CD96: variants seen among roughly 807,000 people sequenced by gnomAD.
CD96 encodes the protein CD96 molecule.
In CD96, 70 loss-of-function variants were observed where a neutral mutation model predicts 71.3. That is an observed-to-expected ratio of 0.98 (90% CI 0.81 to 1.20). The LOEUF (loss-of-function observed/expected upper bound fraction) is 1.20, where lower values mean the gene tolerates loss of function less well. CD96 is among the 50% of genes most tolerant of loss of function. The pLI is 0.00. For synonymous variants in CD96, 248 were observed against 233.0 expected, an observed-to-expected ratio of 1.06 and a Z score of -0.59; for missense variants, 742 against 677.5, an observed-to-expected ratio of 1.10 and a Z score of -1.06.
Position 111,647,038 on chromosome 3 carries a change from A to G in CD96, c.1478-505A>G, listed in dbSNP as rs115403609. On this transcript the variant is annotated intron_variant, in intron 12 of 13. Transcript: ENST00000352690. ...ATCGAGTACATATGGACACAAAGAC[A>G]AGAACAACAAACACTGAGGCCTACT... Among the ~76,000 whole-genome samples, 1,090 of 151,160 alleles carry G rather than the reference A, an allele frequency of 7.2e-3. 17 individuals carry two copies. The highest frequency in any genetic ancestry group is 0.025 in the African/African-American group (1,033 of 41,110).
intron 6 of CD96, 144 bp downstream of exon 6, chr3:111,598,354 C>T: frequency 3.0e-6 from 2 of 658,206 alleles, no homozygotes; most frequent in South Asian, 3.3e-5. Flanking sequence ...TACCAAATGT[C>T]ATTTTCTGAT....
At chr3:111,606,671 C>T (rs866330779) in intron 7 of CD96, 29 bp from the exon 8 acceptor site, 1 of 1,039,452 alleles carries the variant, frequency 9.6e-7, no homozygotes, top group African/African-American at 1.6e-5. Flanking sequence ...ATATTTTGTT[C>T]ATTATAAATC....
rs141377889 is a variant in CD96 at position 111,663,266 on chromosome 3, G to A, written c.*53-2261G>A. Among the ~76,000 whole-genome samples, 380 of 152,244 alleles carry A rather than the reference G, an allele frequency of 2.5e-3. 2 individuals are homozygous for A. The highest frequency in any genetic ancestry group is 8.2e-3 in the African/African-American group (342 of 41,548). The stretch of plus-strand genomic sequence containing the variant: ...CAGCAAGGGGGAAATCTGCCCCCAC[G>A]ATTCAAGCACCTCCCACCAGATCTC... On this transcript the variant is annotated intron_variant and NMD_transcript_variant, in intron 14 of 14. Transcript: ENST00000494798.
intron 2 of CD96, among the ~76,000 whole-genome samples, chr3:111,555,472 A>G (rs1206326643): frequency 6.6e-6 from 1 of 152,294 alleles, no homozygotes; most frequent in East Asian, 1.9e-4. Context: ...ATTTCAATGG[A>G]TATAGAATTC....
At chr3:111,576,117 A>G (rs1247742066) in intron 3 of CD96, among the ~76,000 whole-genome samples, 1 of 152,236 alleles carries the variant, frequency 6.6e-6, no homozygotes, top group African/African-American at 2.4e-5. Flanking sequence ...ATGTTACCTC[A>G]TTAAATCTAT....
At chr3:111,583,965 C>T (rs1356131943) in intron 4 of CD96, among the ~76,000 whole-genome samples, 1 of 152,206 alleles carries the variant, frequency 6.6e-6, no homozygotes, top group Non-Finnish European at 1.5e-5. Flanking sequence ...TGAATTTCTC[C>T]CTAGAAAATG....
In CD96 at chr3:111,570,619, C is replaced by T. The variant is rs1015929027; in HGVS notation, c.543+2972C>T. On this transcript the variant is annotated intron_variant, in intron 3 of 13. Coordinates refer to ENST00000352690, the MANE Select transcript of CD96 (RefSeq NM_005816.5). ...GGATCAACAGGTGAGATGTGAGACA[C>T]CAGGCGCATGGCAGCTCACACGTAC... is the stretch of plus-strand genomic sequence containing the variant. The T allele has an allele frequency of 4.2e-5, 66 of 1,584,860 alleles. No homozygotes were observed. The South Asian group carries it at 6.4e-4, about 15-fold the overall frequency.
At chr3:111,607,964 A>G (rs563343325) in intron 8 of CD96, among the ~76,000 whole-genome samples, 3 of 152,324 alleles carry the variant, frequency 2.0e-5, no homozygotes, top group Non-Finnish European at 4.4e-5. Flanking sequence ...CCTGTGTATT[A>G]GTTATCCATT....
At chr3:111,639,963 C>A (rs1939516440) in intron 12 of CD96, among the ~76,000 whole-genome samples, 1 of 152,138 alleles carries the variant, frequency 6.6e-6, no homozygotes, top group South Asian at 2.1e-4. Flanking sequence ...CCCAGTGGGA[C>A]AAAATAATCT....
chr3:111,606,129 G>A lies in CD96; in HGVS notation c.1088-571G>A, dbSNP rs79249783. Among the ~76,000 whole-genome samples, 173 of 151,876 alleles carry A rather than the reference G, an allele frequency of 1.1e-3. 7 individuals are homozygous for A. The East Asian group carries it at 0.032, about 28-fold the overall frequency. The stretch of plus-strand genomic sequence containing the variant: ...CTCCCCCCAACACAGACACACGCAC[G>A]CACACACACAAAAGAAAAAGTTGTA... On this transcript the variant is annotated intron_variant, in intron 7 of 13. Transcript: ENST00000352690.
chr3:111,546,293 G>A (rs1315192558), intron 2 of CD96, among the ~76,000 whole-genome samples: 1 of 152,192 alleles, frequency 6.6e-6, no homozygotes, highest in African/African-American at 2.4e-5. Flanking sequence ...GTGATGGAAG[G>A]TAAAGGAAGG....
chr3:111,593,555 T>G (rs1378661028), intron 5 of CD96: 4 of 1,515,130 alleles, frequency 2.6e-6, no homozygotes, highest in Non-Finnish European at 3.5e-6. Flanking sequence ...TTAAACAAAA[T>G]GGAAGGGATG....
intron 3 of CD96, chr3:111,570,739 A>G (rs1055825013): frequency 5.5e-5 from 89 of 1,612,402 alleles, no homozygotes; most frequent in Non-Finnish European, 6.7e-5. Flanking sequence ...TTGTCCAGAT[A>G]CTCTTCCTCC....
Position 111,638,167 on chromosome 3 carries a change from T to C in CD96, c.1476T>C (p.Thr492=). The change falls in exon 12 of 14, where the codon ACT becomes ACC. Residue 492 remains threonine, a splice_region_variant and synonymous_variant. Transcript: ENST00000352690. Reference sequence around the variant, plus strand: ...CGAAAACTAATCACGTCCATATCACTGGTAAGTCATTTATCCTATTTTGGG... The same window carrying C: ...CGAAAACTAATCACGTCCATATCACCGGTAAGTCATTTATCCTATTTTGGG... ...GSTKTNHVHI[T]GIVVNKPKDG... 6.4e-7 allele frequency: 1 copy of C among 1,560,766 alleles called. No homozygotes were observed. The highest frequency in any genetic ancestry group is 1.1e-5 in the South Asian group (1 of 89,972).
chr3:111,591,839 T>G (rs1263157788), intron 5 of CD96, among the ~76,000 whole-genome samples: 1 of 152,260 alleles, frequency 6.6e-6, no homozygotes, highest in African/African-American at 2.4e-5. Flanking sequence ...GTGCCTGGAC[T>G]TTTGTTTGTT....
chr3:111,607,076 A>G, intron 8 of CD96: 1 of 462,946 alleles, frequency 2.2e-6, no homozygotes, highest in South Asian at 2.2e-5. Context: ...AAACTCCTAA[A>G]CATATTAAAG....
At chr3:111,626,866 A>G (rs1938793536) in intron 10 of CD96, among the ~76,000 whole-genome samples, 1 of 152,250 alleles carries the variant, frequency 6.6e-6, no homozygotes, top group African/African-American at 2.4e-5. Context: ...ATGAAATTTT[A>G]AAGCAAGTAT....
intron 8 of CD96, among the ~76,000 whole-genome samples, chr3:111,620,411 T>A (rs895046213): frequency 6.6e-6 from 1 of 152,176 alleles, no homozygotes; most frequent in Non-Finnish European, 1.5e-5. Context: ...GGTCATGGAA[T>A]GTGAAGGGGC....
chr3:111,591,899 C>A (rs138479793), intron 5 of CD96, among the ~76,000 whole-genome samples: 48 of 152,324 alleles, frequency 3.2e-4, no homozygotes, highest in African/African-American at 1.1e-3. Flanking sequence ...GGCTGCCTAG[C>A]AAGTCTAGGA....
Sources: gnomAD v4.1 joint callset for allele counts (sites outside exome capture counted in the v4.1 genomes callset) on GRCh38, gnomAD v4.1.1 for gene constraint, MANE v1.5 for transcripts, NCBI Gene and HGNC (gene_info 2026-07-23, HGNC 2026-07-21) for gene names.